Variants in PCDHGA6 observed in about 807,000 individuals in gnomAD.
PCDHGA6 encodes protocadherin gamma-A6.
A neutral mutation model predicts 60.6 loss-of-function variants in PCDHGA6; 41 were observed. The ratio of observed to expected loss-of-function variants is 0.68; its 90% CI spans 0.53 to 0.88. The LOEUF (loss-of-function observed/expected upper bound fraction) is 0.88, where lower values mean the gene tolerates loss of function less well. PCDHGA6 is among the 40% of genes least tolerant of loss of function. The pLI, the probability that PCDHGA6 is intolerant of heterozygous loss-of-function variation, is 0.00. For missense variants in PCDHGA6, 1,312 were observed against 1,203.0 expected, an observed-to-expected ratio of 1.09 and a Z score of -1.34; for synonymous variants, 594 against 524.4, an observed-to-expected ratio of 1.13 and a Z score of -1.81.
intron 1 of PCDHGA6, chr5:141,402,901 T>C: frequency 1.3e-6 from 2 of 1,520,230 alleles, no homozygotes; most frequent in Non-Finnish European, 1.8e-6. Flanking sequence ...AAGAACCTGA[T>C]GAAGCAGCGC....
intron 1 of PCDHGA6, chr5:141,413,324 G>A: frequency 6.2e-7 from 1 of 1,613,968 alleles, no homozygotes; most frequent in South Asian, 1.1e-5. Context: ...TCTTTCGTGG[G>A]CAACATCTCC....
At chr5:141,382,816 T>G (rs1778462841) in intron 1 of PCDHGA6, 1 of 1,275,448 alleles carries the variant, frequency 7.8e-7, no homozygotes, top group Non-Finnish European at 1.1e-6. Context: ...CTCCCCTTCC[T>G]AAGACAGAGG....
chr5:141,423,348 C>G, intron 1 of PCDHGA6: 1 of 1,614,222 alleles, frequency 6.2e-7, no homozygotes. Flanking sequence ...TCTTCCTGGT[C>G]TTTGTCATCG....
At chr5:141,422,058 A>G (rs1015726657) in intron 1 of PCDHGA6, 3 of 1,611,890 alleles carry the variant, frequency 1.9e-6, no homozygotes, top group African/African-American at 2.7e-5. Flanking sequence ...TCAACGGGGA[A>G]GTAATGTATT....
chr5:141,494,074 C>A (rs2099751716), intron 1 of PCDHGA6, among the ~76,000 whole-genome samples: 1 of 152,180 alleles, frequency 6.6e-6, no homozygotes, highest in Non-Finnish European at 1.5e-5. Context: ...GGATCCCTCC[C>A]CGCTGCATCC....
rs999463482 is a variant in PCDHGA6, at chr5:141,506,400, T to C, written c.2572+919T>C. ...GGAGGTGGCTGTGGTGAGCAGAAAATCGCACCACTGCACTCCAGCCTGGGC... is the reference window on the plus strand; with the variant it reads ...GGAGGTGGCTGTGGTGAGCAGAAAACCGCACCACTGCACTCCAGCCTGGGC... On this transcript the variant is annotated intron_variant, in intron 3 of 3. Coordinates refer to ENST00000517434, the MANE Select transcript of PCDHGA6 (RefSeq NM_018919.3). 1.2e-4 allele frequency among the ~76,000 whole-genome samples: 16 copies of C among 135,754 alleles called. No homozygotes were observed. In the Admixed American group the frequency reaches 1.3e-3, roughly 11 times the overall value. The allele number at this position is 135,754 out of a possible 152,430, so 89.1% of individuals were successfully genotyped here.
chr5:141,422,414 A>G (rs2096646645), intron 1 of PCDHGA6: 1 of 1,604,894 alleles, frequency 6.2e-7, no homozygotes, highest in Admixed American at 1.7e-5. Context: ...TTTAAATTAG[A>G]AAAGACTTAT....
chr5:141,388,509 C>T, intron 1 of PCDHGA6: 13 of 1,613,810 alleles, frequency 8.1e-6, no homozygotes, highest in Non-Finnish European at 1.1e-5. Flanking sequence ...GAAATCCTAC[C>T]ACTTGACTTT....
chr5:141,396,813 T>C (rs1031435038), intron 1 of PCDHGA6, among the ~76,000 whole-genome samples: 4 of 152,240 alleles, frequency 2.6e-5, no homozygotes, highest in African/African-American at 9.6e-5. Context: ...AGTGTTCTAC[T>C]GTATGGTGCA....
In PCDHGA6 at chr5:141,494,832, G is replaced by A. The variant is rs758427900; in HGVS notation, c.2450G>A (p.Arg817His). The A allele has an allele frequency of 1.2e-6, 2 of 1,614,066 alleles. No homozygotes were observed. Among genetic ancestry groups the A allele is most frequent in the Non-Finnish European group, 1.7e-6 (2 of 1,179,994 alleles). The change falls in exon 2 of 4, where the codon CGT (arginine) becomes CAT (histidine). Residue 817 changes from arginine (R) to histidine (H), a missense_variant. Transcript: ENST00000517434. ...CAAGCCCCGCCCAACACGGACTGGC[G>A]TTTCTCTCAGGCCCAGAGACCCGGC... ...LQQAPPNTDW[R>H]FSQAQRPGTS...
rs773499765 is a variant in PCDHGA6 at position 141,489,626 on chromosome 5, A to T, written c.2425-5181A>T. 6.2e-6 allele frequency: 10 copies of T among 1,613,568 alleles called. No individual in the cohort carries two copies. In the South Asian group the frequency reaches 9.9e-5, roughly 16 times the overall value. On this transcript the variant is annotated intron_variant, in intron 1 of 3. Coordinates refer to ENST00000517434, the MANE Select transcript of PCDHGA6 (RefSeq NM_018919.3). The surrounding 1 kb of genome is among the most constrained non-coding windows in gnomAD (Gnocchi z 4.5). The stretch of plus-strand genomic sequence containing the variant: ...GTAGAGATCCTGGATCTCAATGACA[A>T]CTCTCCTAGCTTTGCCACCCCTGAG...
At chr5:141,474,524 C>G (rs1260642402) in intron 1 of PCDHGA6, among the ~76,000 whole-genome samples, 1 of 152,170 alleles carries the variant, frequency 6.6e-6, no homozygotes, top group Non-Finnish European at 1.5e-5. Flanking sequence ...GCTGGTCTGG[C>G]TAATTATCAA....
At chr5:141,466,094 C>T (rs1462266046) in intron 1 of PCDHGA6, among the ~76,000 whole-genome samples, 1 of 152,040 alleles carries the variant, frequency 6.6e-6, no homozygotes, top group Non-Finnish European at 1.5e-5. Flanking sequence ...TGCACTCCAG[C>T]CTGGGCAACA....
At chr5:141,383,430 C>T in intron 1 of PCDHGA6, 1 of 1,614,016 alleles carries the variant, frequency 6.2e-7, no homozygotes, top group Non-Finnish European at 8.5e-7. Context: ...CCAATCGCCA[C>T]TTCTCCCTGG....
rs898536568 is a variant in PCDHGA6 at position 141,478,080 on chromosome 5, C to T, written c.2425-16727C>T. The T allele has an allele frequency of 1.9e-6, 3 of 1,614,012 alleles. No homozygotes were observed. The Admixed American group carries it at 5.0e-5, about 27-fold the overall frequency. The stretch of plus-strand genomic sequence containing the variant: ...TTGATCAAAGACAATGGGGAGCCTT[C>T]GCTCTCCACCACTGCTACCCTCACT... On this transcript the variant is annotated intron_variant, in intron 1 of 3. Coordinates refer to ENST00000517434, the MANE Select transcript of PCDHGA6 (RefSeq NM_018919.3).
At chr5:141,405,757 C>T (rs754575292) in intron 1 of PCDHGA6, among the ~76,000 whole-genome samples, 13 of 152,264 alleles carry the variant, frequency 8.5e-5, no homozygotes, top group East Asian at 3.9e-4. Context: ...GGATTACAGG[C>T]GTGAGCCACT....
intron 1 of PCDHGA6, chr5:141,403,572 C>T (rs749341214): frequency 1.9e-6 from 3 of 1,613,946 alleles, no homozygotes; most frequent in Non-Finnish European, 8.5e-7. Flanking sequence ...GAGGCAACTG[C>T]CCACCACCTG....
At chr5:141,389,315 G>A (rs1257183989) in intron 1 of PCDHGA6, 2 of 1,613,866 alleles carry the variant, frequency 1.2e-6, no homozygotes, top group African/African-American at 1.3e-5. Flanking sequence ...CTTCTGATCC[G>A]GACTTGGGGC....
Position 141,485,096 on chromosome 5 carries a change from C to T in PCDHGA6, c.2425-9711C>T, listed in dbSNP as rs1166994104. On this transcript the variant is annotated intron_variant, in intron 1 of 3. Coordinates refer to ENST00000517434, the MANE Select transcript of PCDHGA6 (RefSeq NM_018919.3). This position sits in a 1 kb window ranked among gnomAD's most constrained non-coding sequence, Gnocchi z 5.7. The stretch of plus-strand genomic sequence containing the variant: ...CGCGGGGAAAGGGAGATAGGTGTCT[C>T]CAGCTGCTGTGGCTGTTTGGGGCGG... The T allele has an allele frequency of 1.8e-6, 2 of 1,125,566 alleles. No homozygotes were observed. The highest frequency in any genetic ancestry group is 3.1e-5 in the African/African-American group (2 of 64,908). 69.7% of individuals were successfully genotyped at this position (1,125,566 alleles called of 1,614,324 possible).
Sources: allele counts gnomAD v4.1 joint callset (sites outside exome capture counted in the v4.1 genomes callset), GRCh38; gene constraint gnomAD v4.1.1; non-coding constraint Gnocchi (gnomAD v3.1); transcripts MANE v1.5; gene names NCBI Gene and HGNC (gene_info 2026-07-23, HGNC 2026-07-21).